The following ZNF695 variants were observed in gnomAD, a reference collection of about 807,000 sequenced individuals.
ZNF695 encodes zinc finger protein SBZF3.
In ZNF695, 11 loss-of-function variants were observed where a neutral mutation model predicts 11.2. That is an observed-to-expected ratio of 0.98 (90% CI 0.62 to 1.62). The LOEUF is 1.62. Ranked by LOEUF, ZNF695 falls within the 40% of genes most tolerant of loss-of-function variation. The pLI, the probability that ZNF695 is intolerant of heterozygous loss-of-function variation, is 0.00. For synonymous variants in ZNF695, 190 were observed against 201.4 expected (o/e 0.94, Z 0.48); for missense variants, 559 against 590.5 (o/e 0.95, Z 0.55).
intron 4 of ZNF695, among the ~76,000 whole-genome samples, chr1:246,976,708 G>A (rs899435369): frequency 6.6e-6 from 1 of 151,998 alleles, no homozygotes; most frequent in African/African-American, 2.4e-5. Context: ...GCAGAAGAAT[G>A]GCATGAACCC....
intron 5 of ZNF695, chr1:246,967,482 A>G (rs957485996): frequency 1.5e-5 from 7 of 455,802 alleles, no homozygotes; most frequent in African/African-American, 1.4e-4. Flanking sequence ...AAAGAGAAAA[A>G]GGGGTGACAA....
chr1:246,980,294 C>A (rs1668674354), intron 4 of ZNF695, among the ~76,000 whole-genome samples: 1 of 149,294 alleles, frequency 6.7e-6, no homozygotes, highest in African/African-American at 2.5e-5. Context: ...TAAAATGATA[C>A]ATTTAGTCAC....
At chr1:247,002,006 G>C (rs1395789245) in intron 1 of ZNF695, among the ~76,000 whole-genome samples, 1 of 151,880 alleles carries the variant, frequency 6.6e-6, no homozygotes, top group Non-Finnish European at 1.5e-5. Context: ...CACATCTACA[G>C]AACACTCCAT....
chr1:246,985,414 G>A lies in ZNF695; in HGVS notation c.*1553C>T. 1 of 985,306 alleles carries A rather than the reference G, an allele frequency of 1.0e-6. No homozygotes were observed. The highest frequency in any genetic ancestry group is 1.2e-6 in the Non-Finnish European group (1 of 829,912). The allele number at this position is 985,306 out of a possible 1,614,324, so 61.0% of individuals were successfully genotyped here. On this transcript the variant is annotated 3_prime_UTR_variant, in exon 4 of 4. Coordinates refer to ENST00000339986, the MANE Select transcript of ZNF695 (RefSeq NM_020394.5). Reference sequence around the variant, plus strand: ...AAACAGAATGAAGGTGTAACGTGTGGGAACAATATTTTTCAAATTATTTGA... The same window carrying A: ...AAACAGAATGAAGGTGTAACGTGTGAGAACAATATTTTTCAAATTATTTGA...
chr1:247,000,629 T>C (rs192270293), intron 1 of ZNF695, among the ~76,000 whole-genome samples: 10 of 152,344 alleles, frequency 6.6e-5, no homozygotes, highest in Admixed American at 2.6e-4. Flanking sequence ...TTGTGCATAA[T>C]ATAGTATAAA....
chr1:246,949,666 T>G (rs910252098), intron 5 of ZNF695, among the ~76,000 whole-genome samples: 1 of 152,128 alleles, frequency 6.6e-6, no homozygotes, highest in African/African-American at 2.4e-5. Flanking sequence ...CTGCATGTTC[T>G]TATTCTTACA....
chr1:246,962,636 A>G (rs1309931740), intron 5 of ZNF695, among the ~76,000 whole-genome samples: 1 of 151,688 alleles, frequency 6.6e-6, no homozygotes, highest in African/African-American at 2.4e-5. Context: ...TGATCTTTCT[A>G]AATTACTAAC....
At position 246,987,639 on chromosome 1, in the gene ZNF695, T is replaced by G; in HGVS notation, c.876A>C (p.Gly292=). 6.2e-7 allele frequency: 1 copy of G among 1,603,760 alleles called. No individual in the cohort carries two copies. Among genetic ancestry groups the G allele is most frequent in the Non-Finnish European group, 8.5e-7 (1 of 1,176,218 alleles). The change falls in exon 4 of 4, where the codon GGA becomes GGC. Residue 292 remains glycine (G), a synonymous_variant. Transcript: ENST00000339986. ...VLTKHKKIHT[G]EKPYKCEECG... ...ATTCTTCACATTTGTATGGTTTCTC[T>G]CCAGTATGAATTTTCTTATGTTTAG...
intron 1 of ZNF695, among the ~76,000 whole-genome samples, 160 bp downstream of exon 1, chr1:247,007,746 G>A (rs1669583660): frequency 6.6e-6 from 1 of 152,080 alleles, no homozygotes; most frequent in Non-Finnish European, 1.5e-5. Flanking sequence ...CCACCTGCGC[G>A]GGACGGGACT....
chr1:246,985,380 A>C lies in ZNF695; in HGVS notation c.*1587T>G. The C allele has an allele frequency of 1.0e-6, 1 of 985,102 alleles. No individual in the cohort carries two copies. The highest frequency in any genetic ancestry group is 1.2e-6 in the Non-Finnish European group (1 of 829,638). 61.0% of individuals were successfully genotyped at this position (985,102 alleles called of 1,614,324 possible). A position where few individuals can be genotyped will look rare whatever the true frequency, so the allele number is the denominator to read the frequency against. On this transcript the variant is annotated 3_prime_UTR_variant, in exon 4 of 4. Coordinates refer to ENST00000339986, the MANE Select transcript of ZNF695 (RefSeq NM_020394.5). ...GCCTTAATAATGACACTGTCATTAC[A>C]AAAAGAGCAAACAGAATGAAGGTGT...
intron 5 of ZNF695, among the ~76,000 whole-genome samples, chr1:246,959,311 ATATATATAT>A (rs1226301362): frequency 6.7e-4 from 14 of 20,964 alleles, no homozygotes; most frequent in African/African-American, 9.8e-4. Context: ...AAAAAAAAAA[ATATATATAT>A]ATATATATAT....
chr1:246,977,463 G>A (rs1017901617), intron 4 of ZNF695, among the ~76,000 whole-genome samples: 3 of 152,080 alleles, frequency 2.0e-5, no homozygotes, highest in African/African-American at 7.2e-5. Context: ...TTGCCATGTT[G>A]GCCAGGTTTC....
intron 4 of ZNF695, among the ~76,000 whole-genome samples, chr1:246,972,725 G>A (rs1319124962): frequency 4.0e-5 from 6 of 151,848 alleles, no homozygotes; most frequent in Non-Finnish European, 5.9e-5. Context: ...TCACCATGTT[G>A]GCCAGGCTGG....
intron 5 of ZNF695, among the ~76,000 whole-genome samples, chr1:246,964,802 T>C (rs1668245411): frequency 6.6e-6 from 1 of 151,632 alleles, no homozygotes; most frequent in African/African-American, 2.4e-5. Context: ...ACCCAGGAGG[T>C]GGAGGTTGCA....
In ZNF695 at chr1:246,988,041, G is replaced by A; in HGVS notation, c.474C>T (p.Cys158=). 1 of 1,602,332 alleles carries A rather than the reference G, an allele frequency of 6.2e-7. No individual in the cohort carries two copies. Among genetic ancestry groups the A allele is most frequent in the Non-Finnish European group, 8.5e-7 (1 of 1,175,902 alleles). The change falls in exon 4 of 4, where the codon TGC becomes TGT. Residue 158 remains cysteine, a synonymous_variant. Transcript: ENST00000339986. ...SATTHSKNFQ[C]NKCVKGFSKF... is the part of the protein sequence containing the mutation. ...TACTAAAACCTTTCACACATTTATT[G>A]CATTGAAAGTTTTTGCTATGAGTAG...
chr1:247,000,021 T>A lies in ZNF695; in HGVS notation c.57A>T (p.Glu19Asp). The A allele has an allele frequency of 6.2e-7, 1 of 1,613,964 alleles. No individual in the cohort carries two copies. Residue 19 changes from glutamate to aspartate, a missense_variant, in exon 2 of 4, where the codon GAA becomes GAT. Glu to Asp is a conservative substitution (Grantham distance 45). Transcript: ENST00000339986. ...AACTCCGCTGAGCTGGGTCCAGGCA[T>A]TCCCACTCCTCTGGAGAGAATTCTA... ...VALEFSPEEW[E>D]CLDPAQRSLY...
At chr1:247,000,707 A>G (rs751339718) in intron 1 of ZNF695, among the ~76,000 whole-genome samples, 1 of 152,176 alleles carries the variant, frequency 6.6e-6, no homozygotes, top group Non-Finnish European at 1.5e-5. Flanking sequence ...TTGTTCTCAT[A>G]TGGAGAAGTC....
Position 246,991,895 on chromosome 1 carries a change from AG to A in ZNF695, c.260-3641del, listed in dbSNP as rs1669046306. 7.9e-5 allele frequency among the ~76,000 whole-genome samples: 12 copies of A among 152,314 alleles called. 1 individual carries two copies. The South Asian group carries it at 2.5e-3, about 32-fold the overall frequency. On this transcript the variant is annotated intron_variant, in intron 3 of 3. Transcript: ENST00000339986. ...TATCCATCAATGGGCAAATGGATAA[AG>A]ATAATGTACTACTTATAGGCCGGGC...
chr1:246,953,010 A>G (rs1054365116), intron 5 of ZNF695, among the ~76,000 whole-genome samples: 1 of 152,078 alleles, frequency 6.6e-6, no homozygotes, highest in African/African-American at 2.4e-5. Context: ...TTGAGCCACA[A>G]TTTAGAAGGG....
Sources: allele counts gnomAD v4.1 joint callset (sites outside exome capture counted in the v4.1 genomes callset), GRCh38; gene constraint gnomAD v4.1.1; transcripts MANE v1.5; gene names NCBI Gene and HGNC (gene_info 2026-07-23, HGNC 2026-07-21).